ZP1: variants seen among roughly 807,000 people sequenced by gnomAD.
ZP1 encodes zona pellucida sperm-binding protein 1.
A neutral mutation model predicts 67.4 loss-of-function variants in ZP1; 58 were observed. The observed-to-expected ratio is 0.86, with a 90% CI of 0.70 to 1.07. The LOEUF is 1.07. Ranked by LOEUF, ZP1 falls within the 50% of genes least tolerant of loss-of-function variation. The pLI is 0.00. For synonymous variants in ZP1, 333 were observed against 332.7 expected (o/e 1.00, Z -0.01); for missense variants, 759 against 807.3 (o/e 0.94, Z 0.72).
In ZP1 at chr11:60,869,195, T is replaced by G. The variant is rs1855520203; in HGVS notation, c.247T>G (p.Trp83Gly). ...DVNNCSICYH[W>G]VTSRPQEPAV... ...CAACAACTGCTCCATCTGCTACCACTGGGTCACCTCCAGGCCGCAGGAGCC... is the reference window on the plus strand; with the variant it reads ...CAACAACTGCTCCATCTGCTACCACGGGGTCACCTCCAGGCCGCAGGAGCC... Residue 83 changes from tryptophan (W) to glycine (G), a missense_variant, in exon 2 of 12, where the codon TGG becomes GGG. Coordinates refer to ENST00000278853, the MANE Select transcript of ZP1 (RefSeq NM_207341.4). 3 of 1,614,032 alleles carry G rather than the reference T, an allele frequency of 1.9e-6. No individual in the cohort carries two copies. Among genetic ancestry groups the G allele is most frequent in the African/African-American group, 2.7e-5 (2 of 74,920 alleles).
chr11:60,874,450 C>T (rs1318343410), intron 9 of ZP1, among the ~76,000 whole-genome samples: 1 of 152,170 alleles, frequency 6.6e-6, no homozygotes, highest in Admixed American at 6.5e-5. Flanking sequence ...AATCTGCCCT[C>T]CCCTCTGCCC....
intron 2 of ZP1, 132 bp from the exon 3 acceptor site, chr11:60,869,405 A>G (rs888375623): frequency 6.7e-7 from 1 of 1,499,736 alleles, no homozygotes; most frequent in Admixed American, 2.2e-5. Context: ...AAGCTCTGGA[A>G]GGTACTTTCT....
At chr11:60,869,966 C>T (rs972488976) in intron 3 of ZP1, 66 bp downstream of exon 3, 2 of 1,486,038 alleles carry the variant, frequency 1.3e-6, no homozygotes, top group Admixed American at 2.4e-5. Flanking sequence ...GGTGGCCTAA[C>T]AGCCTTTTAC....
At chr11:60,874,785 T>A in intron 9 of ZP1, 148 bp from the exon 10 acceptor site, 1 of 698,866 alleles carries the variant, frequency 1.4e-6, no homozygotes, top group Non-Finnish European at 2.5e-6. Flanking sequence ...GCAGCAGTCA[T>A]CATCTTGGTC....
At chr11:60,870,039 T>C in intron 3 of ZP1, 139 bp downstream of exon 3, 1 of 1,109,256 alleles carries the variant, frequency 9.0e-7, no homozygotes, top group East Asian at 2.7e-5. Context: ...ATTCTTTTAT[T>C]CCTTTGTAGT....
chr11:60,875,284 C>T lies in ZP1; in HGVS notation c.1774+36C>T, dbSNP rs368253694. The T allele has an allele frequency of 2.3e-5, 36 of 1,589,596 alleles. No individual in the cohort carries two copies. In the African/African-American group the frequency reaches 4.2e-4, roughly 18 times the overall value. On this transcript the variant is annotated intron_variant, in intron 11 of 11. Coordinates refer to ENST00000278853, the MANE Select transcript of ZP1 (RefSeq NM_207341.4). ...TTCTGGGTGGGCCCCTCAGGCCTTACCCACTCTCAGCCCCCAAGATTGTGC... is the reference window on the plus strand; with the variant it reads ...TTCTGGGTGGGCCCCTCAGGCCTTATCCACTCTCAGCCCCCAAGATTGTGC...
intron 3 of ZP1, 56 bp downstream of exon 3, chr11:60,869,956 G>A: frequency 6.7e-7 from 1 of 1,500,738 alleles, no homozygotes; most frequent in Non-Finnish European, 8.9e-7. Context: ...TGGAGTACAG[G>A]GTGGCCTAAC....
Position 60,870,951 on chromosome 11 carries a change from T to C in ZP1, c.827-6T>C. 1 of 1,611,492 alleles carries C rather than the reference T, an allele frequency of 6.2e-7. No individual in the cohort carries two copies. The highest frequency in any genetic ancestry group is 8.5e-7 in the Non-Finnish European group (1 of 1,178,544). ...ACCCCAAGGCCCTCATCTGCCTTTG[T>C]CCCAGCTACTGTCCAGTGCTTCAGA... is the stretch of plus-strand genomic sequence containing the variant. On this transcript the variant is annotated splice_region_variant and splice_polypyrimidine_tract_variant and intron_variant, in intron 4 of 11. Coordinates refer to ENST00000278853, the MANE Select transcript of ZP1 (RefSeq NM_207341.4).
At chr11:60,874,824 T>C (rs2134840000) in intron 9 of ZP1, 109 bp from the exon 10 acceptor site, 1 of 1,017,918 alleles carries the variant, frequency 9.8e-7, no homozygotes, top group Non-Finnish European at 1.5e-6. Flanking sequence ...CCTGCCTGGC[T>C]AGCAGCAGCC....
rs932420830 is a variant in ZP1 at position 60,869,283 on chromosome 11, C to T, written c.318+17C>T. ...CTGGAGAAGGTAGGGGTTGTTCATG[C>T]TCTGGCACAGGGGCAAGCTTGTCCT... On this transcript the variant is annotated intron_variant, in intron 2 of 11. Coordinates refer to ENST00000278853, the MANE Select transcript of ZP1 (RefSeq NM_207341.4). The T allele has an allele frequency of 9.3e-6, 15 of 1,613,816 alleles. No homozygotes were observed. The highest frequency in any genetic ancestry group is 2.7e-5 in the African/African-American group (2 of 74,938).
At position 60,869,839 on chromosome 11, in the gene ZP1, C is replaced by A. The variant is rs777544853; in HGVS notation, c.621C>A (p.Thr207=). The change falls in exon 3 of 12, where the codon ACC becomes ACA. Residue 207 remains threonine, a synonymous_variant. Coordinates refer to ENST00000278853, the MANE Select transcript of ZP1 (RefSeq NM_207341.4). ...PSPGPGPTLA[T]LAQPHWGTLE... is the part of the protein sequence containing the mutation. ...CTGGACCTGGACCTACCCTCGCCAC[C>A]CTGGCTCAACCCCACTGGGGCACCT... 2 of 1,602,192 alleles carry A rather than the reference C, an allele frequency of 1.2e-6. No individual in the cohort carries two copies.
At chr11:60,867,900 G>C (rs1855500395) in intron 1 of ZP1, 143 bp downstream of exon 1, 8 of 940,128 alleles carry the variant, frequency 8.5e-6, no homozygotes, top group Non-Finnish European at 1.3e-5. Flanking sequence ...CCTCACCACA[G>C]AAAAGGGCAA....
chr11:60,875,024 G>T lies in ZP1; in HGVS notation c.1654+10G>T. ...AGCACTGGCACTACAAGTGAGTCTG[G>T]GTTGCGAGTGGTATTTGTTCCTTTA... On this transcript the variant is annotated intron_variant, in intron 10 of 11. Transcript: ENST00000278853. 6.2e-7 allele frequency: 1 copy of T among 1,614,246 alleles called. No homozygotes were observed. Among genetic ancestry groups the T allele is most frequent in the Non-Finnish European group, 8.5e-7 (1 of 1,180,038 alleles).
Position 60,867,606 on chromosome 11 carries a change from G to A in ZP1, c.45G>A (p.Leu15=). ...CGACCTGGGGTTACCCTGTGGCCCT[G>A]CTACTGCTGGTTGCCACCCTGGGGC... ...SATTWGYPVA[L]LLLVATLGLG... Residue 15 remains leucine, a synonymous_variant, in exon 1 of 12, where the codon CTG becomes CTA. Coordinates refer to ENST00000278853, the MANE Select transcript of ZP1 (RefSeq NM_207341.4). The A allele has an allele frequency of 1.9e-6, 3 of 1,613,538 alleles. No homozygotes were observed. Among genetic ancestry groups the A allele is most frequent in the Non-Finnish European group, 2.5e-6 (3 of 1,179,674 alleles).
At chr11:60,870,685 C>T (rs142548676) in intron 4 of ZP1, 1 of 692,040 alleles carries the variant, frequency 1.4e-6, no homozygotes, top group East Asian at 2.7e-5. Flanking sequence ...AATAGATCTA[C>T]CTTACACACA....
chr11:60,873,703 G>A lies in ZP1; in HGVS notation c.1500G>A (p.Ser500=), dbSNP rs757028287. The stretch of plus-strand genomic sequence containing the variant: ...TGGACGGGGCCACACCTTTCCAGTC[G>A]CACTACCAGCGATTCACTGTTGCTA... The part of the protein sequence containing the change: ...VALDGATPFQ[S]HYQRFTVATF... The change falls in exon 9 of 12, where the codon TCG becomes TCA. Residue 500 remains serine (S), a synonymous_variant. Coordinates refer to ENST00000278853, the MANE Select transcript of ZP1 (RefSeq NM_207341.4). 13 of 1,614,048 alleles carry A rather than the reference G, an allele frequency of 8.1e-6. No individual in the cohort carries two copies. Among genetic ancestry groups the A allele is most frequent in the Middle Eastern group, 1.6e-4 (1 of 6,062 alleles).
Position 60,869,585 on chromosome 11 carries a change from G to C in ZP1, c.367G>C (p.Gly123Arg). ...GTTCATGGAGGCTGTGCTGCCCAAT[G>C]GTCGTGTGGATGTGGCACAAGACGC... The part of the protein sequence containing the change: ...RVFMEAVLPN[G>R]RVDVAQDATL... Residue 123 changes from glycine to arginine, a missense_variant, in exon 3 of 12, where the codon GGT (glycine) becomes CGT (arginine). Coordinates refer to ENST00000278853, the MANE Select transcript of ZP1 (RefSeq NM_207341.4). 1 of 1,613,650 alleles carries C rather than the reference G, an allele frequency of 6.2e-7. No homozygotes were observed. Among genetic ancestry groups the C allele is most frequent in the Non-Finnish European group, 8.5e-7 (1 of 1,179,754 alleles).
chr11:60,869,452 C>A, intron 2 of ZP1, 85 bp from the exon 3 acceptor site: 1 of 1,520,890 alleles, frequency 6.6e-7, no homozygotes, highest in South Asian at 1.3e-5. Flanking sequence ...GCCTAATGGC[C>A]AGCTCAGCTC....
At position 60,874,862 on chromosome 11, in the gene ZP1, T is replaced by A. The variant is rs1204838532; in HGVS notation, c.1573-71T>A. 46 of 1,492,408 alleles carry A rather than the reference T, an allele frequency of 3.1e-5. No individual in the cohort carries two copies. The highest frequency in any genetic ancestry group is 3.6e-5 in the Non-Finnish European group (39 of 1,071,918). 92.4% of individuals were successfully genotyped at this position (1,492,408 alleles called of 1,614,324 possible). On this transcript the variant is annotated intron_variant, in intron 9 of 11. Transcript: ENST00000278853. ...GACTTGGCCCAGCTCGGGGATTCCATGTCCTTCCCTTTGTGCTTCCTGCCC... is the reference window on the plus strand; with the variant it reads ...GACTTGGCCCAGCTCGGGGATTCCAAGTCCTTCCCTTTGTGCTTCCTGCCC...
Sources: gnomAD v4.1 joint callset for allele counts (sites outside exome capture counted in the v4.1 genomes callset) on GRCh38, gnomAD v4.1.1 for gene constraint, MANE v1.5 for transcripts, NCBI Gene and HGNC (gene_info 2026-07-23, HGNC 2026-07-21) for gene names.